PLCG2: variants seen among roughly 807,000 people sequenced by gnomAD.
PLCG2 encodes phospholipase C gamma 2.
PLCG2 carries 69 observed loss-of-function variants against 175.6 expected under a neutral mutation model. The ratio of observed to expected loss-of-function variants is 0.39; its 90% CI spans 0.32 to 0.48. PLCG2 has a LOEUF of 0.48. Ranked by LOEUF, PLCG2 falls within the 20% of genes least tolerant of loss-of-function variation. The pLI, the probability that PLCG2 is intolerant of heterozygous loss-of-function variation, is 0.91. For synonymous variants in PLCG2, 827 were observed against 624.0 expected, an observed-to-expected ratio of 1.33 and a Z score of -4.85; for missense variants, 1,798 against 1,650.9, an observed-to-expected ratio of 1.09 and a Z score of -1.54.
intron 12 of PLCG2, among the ~76,000 whole-genome samples, chr16:81,894,395 C>G (rs1387128054): frequency 1.3e-5 from 2 of 152,220 alleles, no homozygotes; most frequent in African/African-American, 2.4e-5. Flanking sequence ...TGCCACTGCA[C>G]TCTAGCCTGG....
intron 11 of PLCG2, among the ~76,000 whole-genome samples, chr16:81,893,182 T>A (rs868227238): frequency 9.2e-5 from 14 of 152,130 alleles, no homozygotes; most frequent in Middle Eastern, 6.8e-3. Flanking sequence ...TTTAAAAAAG[T>A]TGGGGTGAAT....
intron 14 of PLCG2, among the ~76,000 whole-genome samples, chr16:81,902,313 G>C (rs1044358388): frequency 5.9e-5 from 9 of 152,148 alleles, no homozygotes; most frequent in Non-Finnish European, 1.2e-4. Context: ...AATACCCTAA[G>C]CTGGGTGGGT....
intron 31 of PLCG2, among the ~76,000 whole-genome samples, chr16:81,948,896 G>T (rs1204301829): frequency 6.6e-6 from 1 of 152,212 alleles, no homozygotes; most frequent in Non-Finnish European, 1.5e-5. Flanking sequence ...TAGATGGCTG[G>T]CAGTTGAAAC....
rs892806446 is a variant in PLCG2 at position 81,779,300 on chromosome 16, G to C, written c.-172G>C. The stretch of plus-strand genomic sequence containing the variant: ...GCGCCGCGGCCGAAGCAGAAGTAGC[G>C]AGCGCCGGCGGCGGAGGGCGTGAGC... On this transcript the variant is annotated 5_prime_UTR_variant, in exon 1 of 33. Transcript: ENST00000564138. The C allele has an allele frequency of 2.0e-5, 3 of 150,626 alleles. No homozygotes were observed. The highest frequency in any genetic ancestry group is 4.8e-5 in the African/African-American group (2 of 41,242). The allele number at this position is 150,626 out of a possible 1,614,324, so 9.3% of individuals were successfully genotyped here.
chr16:81,775,264 C>G (rs1336332560), upstream of PLCG2, among the ~76,000 whole-genome samples: 2 of 152,172 alleles, frequency 1.3e-5, no homozygotes, highest in African/African-American at 2.4e-5. Context: ...TGGTCCTTGG[C>G]AACCACTGAT....
chr16:81,742,154 C>CG (rs55847562), intron 1 of PLCG2, among the ~76,000 whole-genome samples: 3,236 of 110,872 alleles, frequency 0.029, 265 homozygotes, highest in African/African-American at 0.11. Flanking sequence ...ATTGTGGGGG[C>CG]GGGGGGGGGG....
At chr16:81,819,156 C>T (rs1017570444) in intron 2 of PLCG2, among the ~76,000 whole-genome samples, 4 of 151,980 alleles carry the variant, frequency 2.6e-5, no homozygotes, top group African/African-American at 7.2e-5. Context: ...TGGAGGTTGG[C>T]GGTGCTTGAG....
intron 1 of PLCG2, among the ~76,000 whole-genome samples, chr16:81,750,103 C>G (rs1909777761): frequency 6.6e-6 from 1 of 151,556 alleles, no homozygotes; most frequent in South Asian, 2.1e-4. Context: ...ACATAGAAAA[C>G]AATGTATAAG....
At chr16:81,765,817 G>C (rs1037753665) in intron 2 of PLCG2, among the ~76,000 whole-genome samples, 1 of 152,092 alleles carries the variant, frequency 6.6e-6, no homozygotes, top group Non-Finnish European at 1.5e-5. Context: ...GTTCAGACCC[G>C]ATGCAAAAGC....
chr16:81,897,384 C>T (rs1908940432), intron 13 of PLCG2, among the ~76,000 whole-genome samples: 1 of 152,124 alleles, frequency 6.6e-6, no homozygotes, highest in Admixed American at 6.5e-5. Context: ...CTTCAATTTC[C>T]ATGTTAAAAA....
chr16:81,859,389 C>T (rs1193093640), intron 5 of PLCG2: 1 of 505,434 alleles, frequency 2.0e-6, no homozygotes, highest in Non-Finnish European at 3.5e-6. Flanking sequence ...CAGAGATGAT[C>T]TCTGCCATGG....
chr16:81,769,795 G>A (rs1910236036), intron 2 of PLCG2, among the ~76,000 whole-genome samples: 2 of 136,504 alleles, frequency 1.5e-5, no homozygotes, highest in South Asian at 2.3e-4. Context: ...ACTCCAGCCT[G>A]GGCGACAGAG....
At chr16:81,884,862 G>A (rs1908276232) in intron 9 of PLCG2, among the ~76,000 whole-genome samples, 1 of 152,034 alleles carries the variant, frequency 6.6e-6, no homozygotes, top group South Asian at 2.1e-4. Flanking sequence ...TCATCACTCA[G>A]ATTAAAAATT....
In PLCG2 at chr16:81,946,269, T is replaced by C; in HGVS notation, c.3570+6T>C. The stretch of plus-strand genomic sequence containing the variant: ...GTGAGATGCGGCCAGTCCTGGTGAG[T>C]GGAGAAACACCAGTTAAGGGTTCCC... On this transcript the variant is annotated splice_donor_region_variant and intron_variant, in intron 31 of 32. Transcript: ENST00000564138. 1.2e-6 allele frequency: 2 copies of C among 1,607,098 alleles called. No individual in the cohort carries two copies. Among genetic ancestry groups the C allele is most frequent in the Non-Finnish European group, 1.7e-6 (2 of 1,173,874 alleles).
At chr16:81,797,734 T>C (rs1911535190) in intron 2 of PLCG2, among the ~76,000 whole-genome samples, 1 of 152,224 alleles carries the variant, frequency 6.6e-6, no homozygotes, top group Admixed American at 6.5e-5. Flanking sequence ...ACTTCCTCTT[T>C]AACCATACAC....
In PLCG2 at chr16:81,785,881, C is replaced by G. The variant is rs4354929; in HGVS notation, c.-47-62C>G. 446,763 of 1,010,280 alleles carry G rather than the reference C, an allele frequency of 0.44. 101,463 individuals are homozygous for G. The highest frequency in any genetic ancestry group is 0.64 in the South Asian group (41,742 of 64,996). 62.6% of individuals were successfully genotyped at this position (1,010,280 alleles called of 1,614,324 possible). ...AGGATTTTGGTTCCTGAAGTTCATG[C>G]CCTGTTAACTAAACCCCTTTCAGTA... On this transcript the variant is annotated intron_variant, in intron 1 of 32. Coordinates refer to ENST00000564138, the MANE Select transcript of PLCG2 (RefSeq NM_002661.5).
Position 81,960,172 on chromosome 16 carries a change from G to A in PLCG2, c.*2174G>A, listed in dbSNP as rs1911730133. 1 of 220,560 alleles carries A rather than the reference G, an allele frequency of 4.5e-6. No individual in the cohort carries two copies. The highest frequency in any genetic ancestry group is 9.1e-6 in the Non-Finnish European group (1 of 110,184). 13.7% of individuals were successfully genotyped at this position (220,560 alleles called of 1,614,324 possible). A position where few individuals can be genotyped will look rare whatever the true frequency, so the allele number is the denominator to read the frequency against. On this transcript the variant is annotated 3_prime_UTR_variant, in exon 33 of 33. Coordinates refer to ENST00000564138, the MANE Select transcript of PLCG2 (RefSeq NM_002661.5). ...GTACTTTCTTCGGTTCTTTCCTCCT[G>A]TCCTTGACAGAGTAACACGTTAATC...
upstream of PLCG2, among the ~76,000 whole-genome samples, chr16:81,775,242 T>C (rs1309678718): frequency 2.0e-5 from 3 of 152,108 alleles, no homozygotes; most frequent in African/African-American, 7.2e-5. Context: ...ATAGGCCCGC[T>C]CTCTGCTTTC....
intron 19 of PLCG2, among the ~76,000 whole-genome samples, chr16:81,916,146 A>G (rs973916860): frequency 2.0e-5 from 3 of 151,282 alleles, no homozygotes; most frequent in African/African-American, 7.3e-5. Context: ...CTGTTTTTTT[A>G]GAAGGAATAA....
Sources: allele counts gnomAD v4.1 joint callset (sites outside exome capture counted in the v4.1 genomes callset), GRCh38; gene constraint gnomAD v4.1.1; transcripts MANE v1.5; gene names NCBI Gene and HGNC (gene_info 2026-07-23, HGNC 2026-07-21).